PPP6R3: variants seen among roughly 807,000 people sequenced by gnomAD.
PPP6R3 encodes serine/threonine-protein phosphatase 6 regulatory subunit 3.
PPP6R3 carries 38 observed loss-of-function variants against 110.7 expected under a neutral mutation model. The observed-to-expected ratio is 0.34, with a 90% CI of 0.26 to 0.45. PPP6R3 has a LOEUF of 0.45. PPP6R3 is among the 20% of genes least tolerant of loss of function. PPP6R3 has a pLI of 1.00. For synonymous variants in PPP6R3, 369 were observed against 373.5 expected (o/e 0.99, Z 0.14); for missense variants, 870 against 1,062.4 (o/e 0.82, Z 2.52).
chr11:68,462,912 T>C (rs904174301), intron 1 of PPP6R3, among the ~76,000 whole-genome samples: 3 of 152,168 alleles, frequency 2.0e-5, no homozygotes, highest in African/African-American at 7.2e-5. Context: ...GGAAGAAGAT[T>C]GTTTTCGGTT....
chr11:68,545,001 C>G lies in PPP6R3; in HGVS notation c.391C>G (p.Leu131Val), dbSNP rs1183945574. The G allele has an allele frequency of 6.2e-7, 1 of 1,607,460 alleles. No homozygotes were observed. Residue 131 changes from leucine (L) to valine (V), a missense_variant, in exon 4 of 24, where the codon CTT becomes GTT. Leu to Val is a conservative substitution (Grantham distance 32, BLOSUM62 1). Transcript: ENST00000393800. ...ASFFSKVLSI[L>V]ISRKPEQIVD... ...TTTCTTCAGCAAGGTGCTAAGTATT[C>G]TTATCAGCAGAAAACCAGAACAGGT...
Position 68,531,290 on chromosome 11 carries a change from C to G in PPP6R3, c.-6-6369C>G, listed in dbSNP as rs2099237660. Among the ~76,000 whole-genome samples the G allele has an allele frequency of 2.0e-5, 3 of 151,250 alleles. No individual in the cohort carries two copies. In the South Asian group the frequency reaches 6.3e-4, roughly 32 times the overall value. ...CAGGCCTGAGCCCTGTTTATTGAGTCAGAATCTGAGACTGTGTTTTATTTA... is the reference window on the plus strand; with the variant it reads ...CAGGCCTGAGCCCTGTTTATTGAGTGAGAATCTGAGACTGTGTTTTATTTA... On this transcript the variant is annotated intron_variant, in intron 2 of 23. Coordinates refer to ENST00000393800, the MANE Select transcript of PPP6R3 (RefSeq NM_001164161.2).
chr11:68,613,926 T>TTTTG lies in PPP6R3; in HGVS notation c.*817_*820dup, dbSNP rs1223667717. 86 of 984,944 alleles carry TTTTG rather than the reference T, an allele frequency of 8.7e-5. 1 individual carries two copies. Among genetic ancestry groups the TTTTG allele is most frequent in the East Asian group, 6.8e-4 (6 of 8,808 alleles). 61.0% of individuals were successfully genotyped at this position (984,944 alleles called of 1,614,324 possible). Reference sequence around the variant, plus strand: ...TTTTTTTTTTTTTTTTGGCTTTTGTTTTTGTTTGTTTTTTTGTTTCATTTG... The same window carrying TTTTG: ...TTTTTTTTTTTTTTTTGGCTTTTGTTTTTGTTTGTTTGTTTTTTTGTTTCATTTG... On this transcript the variant is annotated 3_prime_UTR_variant, in exon 24 of 24. Transcript: ENST00000393800.
At chr11:68,497,183 A>G (rs1321685208) in intron 1 of PPP6R3, among the ~76,000 whole-genome samples, 1 of 149,718 alleles carries the variant, frequency 6.7e-6, no homozygotes, top group Non-Finnish European at 1.5e-5. Context: ...AGTAGCTGGG[A>G]CTACAGGTGC....
chr11:68,489,761 A>G (rs954054279), intron 1 of PPP6R3, among the ~76,000 whole-genome samples: 1 of 151,950 alleles, frequency 6.6e-6, no homozygotes, highest in Non-Finnish European at 1.5e-5. Context: ...TGTAAAAATA[A>G]TGTTTGCATA....
chr11:68,597,808 G>A (rs1443545017), intron 19 of PPP6R3, among the ~76,000 whole-genome samples: 3 of 138,800 alleles, frequency 2.2e-5, no homozygotes, highest in African/African-American at 8.3e-5. Context: ...GTGAAACCCT[G>A]TCTCTACTGA....
intron 1 of PPP6R3, among the ~76,000 whole-genome samples, chr11:68,472,210 T>C (rs1221723163): frequency 6.6e-6 from 1 of 152,088 alleles, no homozygotes; most frequent in African/African-American, 2.4e-5. Flanking sequence ...ATGATGTTGG[T>C]GGGACGTGGT....
intron 19 of PPP6R3, 68 bp downstream of exon 19, chr11:68,596,286 G>A: frequency 6.3e-7 from 1 of 1,594,744 alleles, no homozygotes; most frequent in East Asian, 2.2e-5. Flanking sequence ...AATTGGCAAA[G>A]GAGCAGTTCA....
chr11:68,494,211 A>G (rs1232522409), intron 1 of PPP6R3, among the ~76,000 whole-genome samples: 1 of 151,188 alleles, frequency 6.6e-6, no homozygotes, highest in Non-Finnish European at 1.5e-5. Flanking sequence ...TGATGTGATT[A>G]TTATACATTA....
At chr11:68,602,288 A>T (rs2099634286) in intron 21 of PPP6R3, among the ~76,000 whole-genome samples, 1 of 152,178 alleles carries the variant, frequency 6.6e-6, no homozygotes, top group South Asian at 2.1e-4. Context: ...GCCTGTGTGT[A>T]GTTGTCCCTT....
chr11:68,609,733 C>T, intron 22 of PPP6R3, 171 bp from the exon 23 acceptor site: 2 of 1,555,080 alleles, frequency 1.3e-6, no homozygotes, highest in South Asian at 1.1e-5. Flanking sequence ...TGTGATTCCC[C>T]AGTCACTGTC....
At chr11:68,505,486 TTTTA>T (rs2099071146) in intron 1 of PPP6R3, among the ~76,000 whole-genome samples, 1 of 151,664 alleles carries the variant, frequency 6.6e-6, no homozygotes, top group South Asian at 2.1e-4. Flanking sequence ...AATTATTGTT[TTTTA>T]TTTATTTAGA....
At chr11:68,571,877 A>G (rs2099508987) in intron 12 of PPP6R3, among the ~76,000 whole-genome samples, 1 of 152,142 alleles carries the variant, frequency 6.6e-6, no homozygotes, top group Non-Finnish European at 1.5e-5. Context: ...ACCACAATCA[A>G]GACATTTCTG....
intron 1 of PPP6R3, among the ~76,000 whole-genome samples, chr11:68,465,757 A>G (rs1248054392): frequency 2.0e-5 from 3 of 152,228 alleles, no homozygotes; most frequent in African/African-American, 7.2e-5. Flanking sequence ...AGAATTGTAC[A>G]TGGTGTCAAT....
chr11:68,548,132 T>A lies in PPP6R3; in HGVS notation c.480T>A (p.Ser160=). Residue 160 remains serine (S), a synonymous_variant, in exon 5 of 24, where the codon TCT becomes TCA. Transcript: ENST00000393800. ...TTATTATAAAGCACATAGGAACTTCTGCTATCATGGATTTGTTGCTCAGGC... is the reference window on the plus strand; with the variant it reads ...TTATTATAAAGCACATAGGAACTTCAGCTATCATGGATTTGTTGCTCAGGC... The part of the protein sequence containing the change: ...VDLIIKHIGT[S]AIMDLLLRLL... The A allele has an allele frequency of 6.2e-7, 1 of 1,614,130 alleles. No individual in the cohort carries two copies. Among genetic ancestry groups the A allele is most frequent in the South Asian group, 1.1e-5 (1 of 91,090 alleles).
chr11:68,612,926 A>AT (rs1417732753), intron 23 of PPP6R3, 140 bp from the exon 24 acceptor site: 3 of 1,454,848 alleles, frequency 2.1e-6, no homozygotes, highest in Non-Finnish European at 2.8e-6. Context: ...ATTCATTTAC[A>AT]TATCATTTTA....
intron 2 of PPP6R3, among the ~76,000 whole-genome samples, chr11:68,524,945 T>G (rs1377478609): frequency 1.3e-5 from 2 of 152,222 alleles, no homozygotes; most frequent in Admixed American, 1.3e-4. Flanking sequence ...CTTCCTGAAC[T>G]TGTCCTGAGA....
At chr11:68,477,741 A>AAATATATATATATATATATATATAG in intron 1 of PPP6R3, among the ~76,000 whole-genome samples, 1 of 57,894 alleles carries the variant, frequency 1.7e-5, no homozygotes, top group African/African-American at 7.1e-5. Flanking sequence ...AAAAAAAAAA[A>AAATATATATATATATATATATATAG]ATATATATAT....
chr11:68,531,307 T>TTTTATTTATTTATTTATTTA (rs67798708), intron 2 of PPP6R3, among the ~76,000 whole-genome samples: 26 of 137,012 alleles, frequency 1.9e-4, no homozygotes, highest in East Asian at 1.3e-3. Context: ...TGAGACTGTG[T>TTTTATTTATTTATTTATTTA]TTTATTTATT....
Sources: allele counts gnomAD v4.1 joint callset (sites outside exome capture counted in the v4.1 genomes callset), GRCh38; gene constraint gnomAD v4.1.1; transcripts MANE v1.5; gene names NCBI Gene and HGNC (gene_info 2026-07-23, HGNC 2026-07-21).